Variants in FAF1 observed in about 807,000 individuals in gnomAD.
The protein encoded by FAF1 is Fas associated factor 1, also known as FAS-associated factor 1.
FAF1 carries 25 observed loss-of-function variants against 92.5 expected under a neutral mutation model. That is an observed-to-expected ratio of 0.27 (90% confidence interval 0.20 to 0.38). The LOEUF is 0.38. FAF1 is among the 10% of genes least tolerant of loss of function. The pLI, the probability that FAF1 is intolerant of heterozygous loss-of-function variation, is 1.00. For missense variants in FAF1, 636 were observed against 793.3 expected, an observed-to-expected ratio of 0.80 and a Z score of 2.38; for synonymous variants, 234 against 273.2, an observed-to-expected ratio of 0.86 and a Z score of 1.42.
At chr1:50,667,495 T>G (rs1655689759) in intron 7 of FAF1, among the ~76,000 whole-genome samples, 2 of 152,250 alleles carry the variant, frequency 1.3e-5, no homozygotes, top group East Asian at 3.8e-4. Context: ...GAAACAGCTG[T>G]GTCTTATTTG....
intron 12 of FAF1, among the ~76,000 whole-genome samples, chr1:50,570,614 TG>T (rs1457910353): frequency 1.3e-5 from 2 of 152,236 alleles, no homozygotes; most frequent in Non-Finnish European, 2.9e-5. Context: ...CTTCAGGCTG[TG>T]GGTACCCCAA....
chr1:50,571,807 G>A (rs1650457418), intron 12 of FAF1, among the ~76,000 whole-genome samples: 1 of 152,170 alleles, frequency 6.6e-6, no homozygotes, highest in Admixed American at 6.5e-5. Flanking sequence ...GAATATTAGA[G>A]CTGGAAGAAA....
intron 4 of FAF1, 51 bp downstream of exon 4, chr1:50,787,949 T>C (rs781574074): frequency 1.3e-6 from 2 of 1,489,040 alleles, no homozygotes; most frequent in East Asian, 2.3e-5. Context: ...ATAACCTGAA[T>C]GTTTACCTAA....
At chr1:50,503,930 C>T (rs1279311610) in intron 15 of FAF1, among the ~76,000 whole-genome samples, 1 of 152,142 alleles carries the variant, frequency 6.6e-6, no homozygotes, top group African/African-American at 2.4e-5. Flanking sequence ...AGAGGAAGCC[C>T]TTGAGAGTGA....
chr1:50,949,876 T>G (rs935553527), intron 1 of FAF1, among the ~76,000 whole-genome samples: 2 of 152,278 alleles, frequency 1.3e-5, no homozygotes, highest in Admixed American at 1.3e-4. Flanking sequence ...TCTTTTTTTT[T>G]CGAGACAGGG....
intron 1 of FAF1, among the ~76,000 whole-genome samples, chr1:50,950,133 C>T (rs989705981): frequency 6.6e-6 from 1 of 152,172 alleles, no homozygotes; most frequent in African/African-American, 2.4e-5. Flanking sequence ...AGCCACCACA[C>T]CTGTCCCAGA....
At chr1:50,646,205 T>A (rs999888403) in intron 8 of FAF1, among the ~76,000 whole-genome samples, 4 of 152,130 alleles carry the variant, frequency 2.6e-5, no homozygotes, top group Admixed American at 2.6e-4. Flanking sequence ...GTTTGCTCAA[T>A]TGCATTCTCC....
intron 1 of FAF1, among the ~76,000 whole-genome samples, chr1:50,916,952 T>TC (rs1461000380): frequency 2.0e-5 from 3 of 152,100 alleles, no homozygotes; most frequent in Non-Finnish European, 2.9e-5. Context: ...ATTAGCCAAG[T>TC]CCTAGGTAAC....
intron 15 of FAF1, among the ~76,000 whole-genome samples, chr1:50,500,739 T>C (rs1646973774): frequency 6.6e-6 from 1 of 152,154 alleles, no homozygotes; most frequent in South Asian, 2.1e-4. Flanking sequence ...GTATCATGTG[T>C]ACCCCATAAA....
intron 18 of FAF1, among the ~76,000 whole-genome samples, chr1:50,472,368 T>TACACACACACACAC (rs71850142): frequency 1.6e-3 from 199 of 123,948 alleles, no homozygotes; most frequent in Non-Finnish European, 1.8e-3. Context: ...GGGGAAAACA[T>TACACACACACACAC]ACACACACAC....
intron 5 of FAF1, among the ~76,000 whole-genome samples, chr1:50,739,375 C>CATGTGTACATGTGTACACGTACATAT (rs1322526164): frequency 6.7e-6 from 1 of 150,328 alleles, no homozygotes; most frequent in African/African-American, 2.5e-5. Flanking sequence ...CACGTACATA[C>CATGTGTACATGTGTACACGTACATAT]ATATACATAT....
chr1:50,899,859 G>A (rs559012030), intron 1 of FAF1, among the ~76,000 whole-genome samples: 2 of 152,160 alleles, frequency 1.3e-5, no homozygotes, highest in East Asian at 3.9e-4. Flanking sequence ...TTAGTATTAG[G>A]GCTATTTTCC....
chr1:50,829,734 A>C (rs1324642439), intron 2 of FAF1, among the ~76,000 whole-genome samples: 1 of 152,212 alleles, frequency 6.6e-6, no homozygotes, highest in Non-Finnish European at 1.5e-5. Context: ...GTTTCTTCTA[A>C]ATCTGGACAG....
chr1:50,858,026 A>G, intron 1 of FAF1, 29 bp from the exon 2 acceptor site: 1 of 1,525,838 alleles, frequency 6.6e-7, no homozygotes, highest in Non-Finnish European at 8.9e-7. Flanking sequence ...AGCATTTTAC[A>G]TATAATTTTA....
intron 13 of FAF1, among the ~76,000 whole-genome samples, chr1:50,560,033 G>T (rs1223400500): frequency 6.6e-6 from 1 of 152,274 alleles, no homozygotes; most frequent in East Asian, 1.9e-4. Flanking sequence ...ATCCATATTT[G>T]TACCTAGGGT....
intron 8 of FAF1, among the ~76,000 whole-genome samples, chr1:50,610,104 T>G (rs1652618582): frequency 6.6e-6 from 1 of 152,196 alleles, no homozygotes; most frequent in Non-Finnish European, 1.5e-5. Context: ...GAGAACAGAT[T>G]AAAAAACATT....
intron 4 of FAF1, among the ~76,000 whole-genome samples, chr1:50,782,617 G>A (rs911694052): frequency 1.8e-4 from 27 of 152,080 alleles, no homozygotes; most frequent in African/African-American, 6.5e-4. Flanking sequence ...CTGAGCTCCA[G>A]CAATCCTCCC....
chr1:50,847,347 C>A (rs1570045393), intron 2 of FAF1, among the ~76,000 whole-genome samples: 2 of 144,186 alleles, frequency 1.4e-5, no homozygotes, highest in Non-Finnish European at 1.5e-5. Flanking sequence ...GCTAAAGGCT[C>A]AAATAGAAAA....
chr1:50,869,719 T>C (rs1259861081), intron 1 of FAF1, among the ~76,000 whole-genome samples: 2 of 152,186 alleles, frequency 1.3e-5, no homozygotes, highest in Admixed American at 1.3e-4. Context: ...CTACCTAGTA[T>C]AGAGTTTTTT....
Sources: gnomAD v4.1 joint callset for allele counts (sites outside exome capture counted in the v4.1 genomes callset) on GRCh38, gnomAD v4.1.1 for gene constraint, MANE v1.5 for transcripts, NCBI Gene and HGNC (gene_info 2026-07-23, HGNC 2026-07-21) for gene names.